NRAP: variants seen among roughly 807,000 people sequenced by gnomAD.
The protein encoded by NRAP is nebulin related anchoring protein, also known as nebulin-related-anchoring protein.
NRAP carries 189 observed loss-of-function variants against 225.9 expected under a neutral mutation model. That is an observed-to-expected ratio of 0.84 (90% confidence interval 0.74 to 0.94). The LOEUF is 0.94. Among genes scored for constraint, NRAP ranks in the 40% least tolerant of loss-of-function variants. NRAP has a pLI of 0.00. For missense variants in NRAP, 2,176 were observed against 2,168.7 expected (o/e 1.00, Z -0.07); for synonymous variants, 769 against 790.7 (o/e 0.97, Z 0.46).
chr10:113,657,706 C>T, intron 3 of NRAP, 132 bp from the exon 4 acceptor site: 1 of 660,788 alleles, frequency 1.5e-6, no homozygotes, highest in Non-Finnish European at 2.7e-6. Flanking sequence ...TGCTGCAAGG[C>T]ACACTGTGCT....
In NRAP at chr10:113,643,080, G is replaced by A. The variant is rs150148311; in HGVS notation, c.1111-42C>T. 5.9e-5 allele frequency: 57 copies of A among 971,126 alleles called. 1 individual carries two copies. Among genetic ancestry groups the A allele is most frequent in the African/African-American group, 5.1e-4 (32 of 62,350 alleles). The allele number at this position is 971,126 out of a possible 1,614,324, so 60.2% of individuals were successfully genotyped here. On this transcript the variant is annotated intron_variant, in intron 11 of 41. Coordinates refer to ENST00000359988, the MANE Select transcript of NRAP (RefSeq NM_198060.4). Reference sequence around the variant, plus strand: ...CCAGACACACAATAGAACCAAATCCGAAGTCACTCTTGAAAATGTCCCAGG... The same window carrying A: ...CCAGACACACAATAGAACCAAATCCAAAGTCACTCTTGAAAATGTCCCAGG...
rs780348665 is a variant in NRAP, at chr10:113,588,794, G to A, written c.*181C>T. The A allele has an allele frequency of 4.9e-6, 3 of 606,132 alleles. No homozygotes were observed. In the African/African-American group the frequency reaches 5.6e-5, roughly 11 times the overall value. The allele number at this position is 606,132 out of a possible 1,614,324, so 37.5% of individuals were successfully genotyped here. A position where few individuals can be genotyped will look rare whatever the true frequency, so the allele number is the denominator to read the frequency against. On this transcript the variant is annotated 3_prime_UTR_variant, in exon 42 of 42. Transcript: ENST00000359988. ...AACAGAATCAGCCATCCACGTCTAG[G>A]TATCAGAGAGGACCACAAATACAAC...
intron 9 of NRAP, among the ~76,000 whole-genome samples, chr10:113,647,808 C>A (rs1374174863): frequency 6.6e-6 from 1 of 152,202 alleles, no homozygotes; most frequent in Non-Finnish European, 1.5e-5. Flanking sequence ...ATAAGATTAT[C>A]TGAAATGGGA....
intron 32 of NRAP, among the ~76,000 whole-genome samples, chr10:113,607,074 G>A (rs958865313): frequency 3.9e-5 from 6 of 152,000 alleles, no homozygotes; most frequent in South Asian, 4.2e-4. Context: ...GGTGGCGGGC[G>A]TCTGTAATCC....
intron 9 of NRAP, among the ~76,000 whole-genome samples, chr10:113,649,742 A>T (rs1431069103): frequency 2.0e-5 from 3 of 152,206 alleles, no homozygotes; most frequent in African/African-American, 7.2e-5. Context: ...AGTCCTAGCG[A>T]CTGTTCTTCA....
At chr10:113,618,100 G>C (rs1847775496) in intron 25 of NRAP, among the ~76,000 whole-genome samples, 1 of 151,430 alleles carries the variant, frequency 6.6e-6, no homozygotes, top group Non-Finnish European at 1.5e-5. Context: ...CAGGAAAAAG[G>C]GTGCTATTAT....
At chr10:113,589,879 G>T (rs766438314) in intron 40 of NRAP, 82 bp from the exon 41 acceptor site, 66 of 1,481,186 alleles carry the variant, frequency 4.5e-5, no homozygotes, top group Non-Finnish European at 5.9e-5. Context: ...GATTAAAAAG[G>T]CAGCCACAGT....
chr10:113,590,289 T>G (rs1277286486), intron 40 of NRAP, among the ~76,000 whole-genome samples: 3 of 152,168 alleles, frequency 2.0e-5, no homozygotes, highest in East Asian at 1.9e-4. Flanking sequence ...TCACTGAACC[T>G]CTCTGAGCCT....
intron 30 of NRAP, among the ~76,000 whole-genome samples, chr10:113,611,188 G>C (rs542527244): frequency 6.6e-6 from 1 of 151,970 alleles, no homozygotes; most frequent in Non-Finnish European, 1.5e-5. Context: ...TGAGGGCTCC[G>C]CTCAAGTGAC....
intron 3 of NRAP, among the ~76,000 whole-genome samples, chr10:113,660,529 C>G (rs551125667): frequency 6.6e-6 from 1 of 152,254 alleles, no homozygotes; most frequent in East Asian, 1.9e-4. Context: ...GCCTGTCATA[C>G]ACAGTTAAAA....
chr10:113,590,417 GTTA>G (rs954810468), intron 40 of NRAP, among the ~76,000 whole-genome samples, 158 bp downstream of exon 40: 5 of 151,990 alleles, frequency 3.3e-5, no homozygotes, highest in African/African-American at 1.2e-4. Flanking sequence ...AGAAGTGGTG[GTTA>G]TTATTGTTAT....
chr10:113,656,057 G>A (rs1013376348), intron 4 of NRAP, among the ~76,000 whole-genome samples: 5 of 70,598 alleles, frequency 7.1e-5, no homozygotes, highest in East Asian at 3.1e-4. Flanking sequence ...CATTATACCC[G>A]CCTCCCTTTC....
At chr10:113,662,628 T>C in intron 3 of NRAP, 51 bp downstream of exon 3, 3 of 969,216 alleles carry the variant, frequency 3.1e-6, no homozygotes, top group Non-Finnish European at 5.1e-6. Flanking sequence ...TTCTACCCAG[T>C]AACCAATCAT....
intron 31 of NRAP, among the ~76,000 whole-genome samples, chr10:113,609,943 A>G (rs1055410110): frequency 3.3e-5 from 5 of 151,768 alleles, no homozygotes; most frequent in African/African-American, 1.2e-4. Context: ...AATGGCATGC[A>G]GTCTGAATGG....
rs1206625118 is a variant in NRAP at position 113,614,398 on chromosome 10, G to T, written c.3187-102C>A. On this transcript the variant is annotated intron_variant, in intron 28 of 41. Coordinates refer to ENST00000359988, the MANE Select transcript of NRAP (RefSeq NM_198060.4). ...AAAATGTTTTGTTCTTTTGACAGTA[G>T]CTGGGTGAGTTAAAAGAAAATGCGC... The T allele has an allele frequency of 6.0e-6, 5 of 837,054 alleles. No homozygotes were observed. The East Asian group carries it at 9.8e-5, about 16-fold the overall frequency. 51.9% of individuals were successfully genotyped at this position (837,054 alleles called of 1,614,324 possible).
At chr10:113,624,692 C>T (rs1314834981) in intron 22 of NRAP, 134 bp downstream of exon 22, 4 of 660,150 alleles carry the variant, frequency 6.1e-6, no homozygotes, top group Non-Finnish European at 1.1e-5. Context: ...GCTGGGTGAG[C>T]TGTTTTTACA....
At chr10:113,602,921 T>A (rs1592738986) in intron 35 of NRAP, among the ~76,000 whole-genome samples, 1 of 152,164 alleles carries the variant, frequency 6.6e-6, no homozygotes, top group Non-Finnish European at 1.5e-5. Flanking sequence ...CACTGGGTGG[T>A]GGGGTGCTAT....
In NRAP at chr10:113,646,091, T is replaced by C. The variant is rs80011396; in HGVS notation, c.994-150A>G. The C allele has an allele frequency of 3.8e-4, 209 of 545,158 alleles. 1 individual carries two copies. In the East Asian group the frequency reaches 6.0e-3, roughly 16 times the overall value. 33.8% of individuals were successfully genotyped at this position (545,158 alleles called of 1,614,324 possible). ...AAATTCACATGGCCTTTTCTCTTCA[T>C]TAAATCTATAAACTACTTTGTCCTT... is the stretch of plus-strand genomic sequence containing the variant. On this transcript the variant is annotated intron_variant, in intron 10 of 41. Transcript: ENST00000359988.
intron 37 of NRAP, among the ~76,000 whole-genome samples, chr10:113,596,375 A>T (rs1477819234): frequency 6.6e-6 from 1 of 152,172 alleles, no homozygotes; most frequent in Non-Finnish European, 1.5e-5. Context: ...CAATTCCCAA[A>T]TTTAACTGAG....
Sources: allele counts gnomAD v4.1 joint callset (sites outside exome capture counted in the v4.1 genomes callset), GRCh38; gene constraint gnomAD v4.1.1; transcripts MANE v1.5; gene names NCBI Gene and HGNC (gene_info 2026-07-23, HGNC 2026-07-21).